Variants in ATP2C1 observed in about 807,000 individuals in gnomAD.
ATP2C1 encodes calcium-transporting ATPase type 2C member 1.
In ATP2C1, 31 loss-of-function variants were observed where a neutral mutation model predicts 120.5. The ratio of observed to expected loss-of-function variants is 0.26; its 90% CI spans 0.19 to 0.35. The LOEUF is 0.35. ATP2C1 is among the 10% of genes least tolerant of loss of function. ATP2C1 has a pLI of 1.00. For missense variants in ATP2C1, 731 were observed against 1,107.5 expected, an observed-to-expected ratio of 0.66 and a Z score of 4.83; for synonymous variants, 351 against 358.7, an observed-to-expected ratio of 0.98 and a Z score of 0.24.
chr3:130,956,073 T>C (rs761182211), intron 10 of ATP2C1, 31 bp from the exon 11 acceptor site: 2 of 1,463,754 alleles, frequency 1.4e-6, no homozygotes, highest in Non-Finnish European at 1.9e-6. Context: ...ATATAGCTAA[T>C]TGTGGTGACA....
At position 130,919,934 on chromosome 3, in the gene ATP2C1, C is replaced by T. The variant is rs115002339; in HGVS notation, c.7-10482C>T. On this transcript the variant is annotated intron_variant, in intron 2 of 27. Coordinates refer to ENST00000510168, the MANE Select transcript of ATP2C1 (RefSeq NM_001378687.1). ...TGTGTTGTGGTTTTGATTTTCATTT[C>T]CCTAATGGTTAATGATGAGCATCTT... is the stretch of plus-strand genomic sequence containing the variant. Among the ~76,000 whole-genome samples the T allele has an allele frequency of 4.3e-3, 653 of 152,206 alleles. 2 individuals are homozygous for T. Among genetic ancestry groups the T allele is most frequent in the Middle Eastern group, 6.8e-3 (2 of 294 alleles).
chr3:130,867,619 T>A (rs945540164), intron 1 of ATP2C1, among the ~76,000 whole-genome samples: 2 of 151,586 alleles, frequency 1.3e-5, no homozygotes, highest in African/African-American at 4.8e-5. Flanking sequence ...TGGAGTGCAG[T>A]GGCGTGATCT....
At chr3:130,850,907 A>C (rs970361077) in exon 1 of ATP2C1, 2 of 1,421,024 alleles carry the variant, frequency 1.4e-6, no homozygotes, top group African/African-American at 2.9e-5. Flanking sequence ...CGACGCTGAG[A>C]AACCAAAGAG....
At chr3:130,869,197 T>C (rs1576551490) in intron 1 of ATP2C1, 3 of 124,362 alleles carry the variant, frequency 2.4e-5, no homozygotes, top group East Asian at 2.3e-4. Context: ...CGGTGCAAGA[T>C]GTGCTTTGTT....
chr3:130,891,279 C>T (rs932033953), upstream of ATP2C1, among the ~76,000 whole-genome samples: 1 of 152,116 alleles, frequency 6.6e-6, no homozygotes, highest in African/African-American at 2.4e-5. Context: ...TAAAGAACCA[C>T]ATATTCTTGT....
At position 130,979,374 on chromosome 3, in the gene ATP2C1, A is replaced by G. The variant is rs766339773; in HGVS notation, c.1696A>G (p.Ile566Val). 1.1e-5 allele frequency: 17 copies of G among 1,613,632 alleles called. No homozygotes were observed. The highest frequency in any genetic ancestry group is 2.2e-5 in the East Asian group (1 of 44,840). ...AACACTCATTGCCTCAGGAGTATCA[A>G]TAAAAATGATTACTGGAGATTCACA... ...VTTLIASGVS[I>V]KMITGDSQET... Residue 566 changes from isoleucine to valine, a missense_variant, in exon 19 of 28, where the codon ATA becomes GTA. Ile to Val is a conservative substitution (Grantham distance 29). This residue lies in a region of ATP2C1 where 571 missense variants were observed against 845.9 expected (regional missense o/e 0.67). Coordinates refer to ENST00000510168, the MANE Select transcript of ATP2C1 (RefSeq NM_001378687.1).
intron 11 of ATP2C1, among the ~76,000 whole-genome samples, chr3:130,958,492 A>G (rs2060676908): frequency 6.6e-6 from 1 of 151,998 alleles, no homozygotes. Flanking sequence ...GAAGGTTGCT[A>G]TTTGGATAAT....
At chr3:130,982,424 G>C (rs1417601231) in intron 20 of ATP2C1, among the ~76,000 whole-genome samples, 3 of 152,032 alleles carry the variant, frequency 2.0e-5, no homozygotes, top group Non-Finnish European at 4.4e-5. Flanking sequence ...TATTATCTTG[G>C]GCTGCCTTGT....
chr3:130,881,312 T>C (rs1196858863), intron 1 of ATP2C1, among the ~76,000 whole-genome samples: 1 of 152,128 alleles, frequency 6.6e-6, no homozygotes, highest in East Asian at 1.9e-4. Context: ...TACTCACCTA[T>C]TTTAAGACCT....
intron 8 of ATP2C1, among the ~76,000 whole-genome samples, chr3:130,945,677 C>G (rs2060120924): frequency 6.6e-6 from 1 of 152,026 alleles, no homozygotes; most frequent in Admixed American, 6.6e-5. Context: ...CATCCATGTC[C>G]CTACAAAGGA....
Position 130,964,037 on chromosome 3 carries a change from T to A in ATP2C1, c.966T>A (p.Val322=). Residue 322 remains valine, a synonymous_variant, in exon 13 of 28, where the codon GTT becomes GTA. Transcript: ENST00000510168. ...IVVTVTLALG[V]MRMVKKRAIV... is the part of the protein sequence containing the mutation. ...TCACAGTGACGCTAGCTCTTGGTGTTATGAGAATGGTGAAGAAAAGGGCCA... is the reference window on the plus strand; with the variant it reads ...TCACAGTGACGCTAGCTCTTGGTGTAATGAGAATGGTGAAGAAAAGGGCCA... 6.2e-7 allele frequency: 1 copy of A among 1,612,794 alleles called. No individual in the cohort carries two copies. Among genetic ancestry groups the A allele is most frequent in the South Asian group, 1.1e-5 (1 of 91,074 alleles).
At chr3:130,961,793 CTT>C (rs1039440647) in intron 12 of ATP2C1, among the ~76,000 whole-genome samples, 6 of 152,112 alleles carry the variant, frequency 3.9e-5, no homozygotes, top group Admixed American at 3.3e-4. Flanking sequence ...ACAGAGAAGA[CTT>C]TTCACAATTA....
At chr3:130,919,639 GTGT>G (rs1203112459) in intron 2 of ATP2C1, among the ~76,000 whole-genome samples, 1 of 152,218 alleles carries the variant, frequency 6.6e-6, no homozygotes, top group Non-Finnish European at 1.5e-5. Context: ...ATTGTGAATA[GTGT>G]TGTGGTGAAC....
At chr3:130,961,291 C>G (rs909174527) in intron 12 of ATP2C1, among the ~76,000 whole-genome samples, 3 of 149,718 alleles carry the variant, frequency 2.0e-5, no homozygotes, top group African/African-American at 7.4e-5. Context: ...ATTGACATAT[C>G]ATAACTTCTG....
At chr3:130,935,529 G>A (rs773111559) in intron 5 of ATP2C1, among the ~76,000 whole-genome samples, 3 of 152,190 alleles carry the variant, frequency 2.0e-5, no homozygotes, top group South Asian at 2.1e-4. Flanking sequence ...AGATGTTATT[G>A]TAGAGATGCA....
chr3:131,007,223 G>A (rs932363492), downstream of ATP2C1, among the ~76,000 whole-genome samples: 8 of 152,140 alleles, frequency 5.3e-5, no homozygotes, highest in South Asian at 1.0e-3. Context: ...TCGTGTACAC[G>A]TGAACATATA....
At chr3:130,893,720 G>A (rs1336216957), upstream of ATP2C1, among the ~76,000 whole-genome samples, 4 of 152,184 alleles carry the variant, frequency 2.6e-5, no homozygotes, top group African/African-American at 9.7e-5. Flanking sequence ...GCCGCCCCAC[G>A]GGAATGCGTG....
chr3:130,902,881 T>C (rs1185968624), intron 2 of ATP2C1, among the ~76,000 whole-genome samples: 1 of 152,012 alleles, frequency 6.6e-6, no homozygotes, highest in Non-Finnish European at 1.5e-5. Flanking sequence ...GGACCACCGA[T>C]ATTTTCATCT....
intron 26 of ATP2C1, among the ~76,000 whole-genome samples, chr3:131,013,486 A>G (rs1329827434): frequency 6.6e-6 from 1 of 152,146 alleles, no homozygotes; most frequent in Non-Finnish European, 1.5e-5. Flanking sequence ...ACAGCTCAGG[A>G]TGCTGTTTCT....
Sources: gnomAD v4.1 joint callset for allele counts (sites outside exome capture counted in the v4.1 genomes callset) on GRCh38, gnomAD v4.1.1 for gene constraint, gnomAD v4.1.1 regional missense constraint, MANE v1.5 for transcripts, NCBI Gene and HGNC (gene_info 2026-07-23, HGNC 2026-07-21) for gene names.